The following PEAK1 variants were observed in gnomAD, a reference collection of about 807,000 sequenced individuals.
The protein encoded by PEAK1 is inactive tyrosine-protein kinase PEAK1.
A neutral mutation model predicts 124.7 loss-of-function variants in PEAK1; 54 were observed. The observed-to-expected ratio is 0.43, with a 90% CI of 0.35 to 0.54. The LOEUF is 0.54. Ranked by LOEUF, PEAK1 falls within the 20% of genes least tolerant of loss-of-function variation. The pLI is 0.01. For missense variants in PEAK1, 2,046 were observed against 2,134.5 expected (o/e 0.96, Z 0.82); for synonymous variants, 719 against 760.0 (o/e 0.95, Z 0.89).
At chr15:77,335,138 G>A (rs762106553) in intron 2 of PEAK1, 143 of 985,270 alleles carry the variant, frequency 1.5e-4, no homozygotes, top group South Asian at 3.3e-4. Flanking sequence ...GCCAAGAGAG[G>A]GATTTAAACA....
At chr15:77,153,328 T>C (rs894869388) in intron 8 of PEAK1, among the ~76,000 whole-genome samples, 3 of 152,210 alleles carry the variant, frequency 2.0e-5, no homozygotes, top group Admixed American at 6.5e-5. Flanking sequence ...GTGGGATCGG[T>C]GGTGATATCC....
intron 9 of PEAK1, among the ~76,000 whole-genome samples, chr15:77,119,319 A>G (rs2051698055): frequency 6.6e-6 from 1 of 152,242 alleles, no homozygotes; most frequent in South Asian, 2.1e-4. Context: ...ACCAACATGA[A>G]TAACCTACAG....
At chr15:77,334,466 G>A (rs1294401679) in intron 2 of PEAK1, 1 of 985,242 alleles carries the variant, frequency 1.0e-6, no homozygotes. Context: ...GAGAAGTAGA[G>A]GAGATTTAGT....
chr15:77,166,778 T>A (rs2056132430), intron 7 of PEAK1, among the ~76,000 whole-genome samples: 1 of 152,160 alleles, frequency 6.6e-6, no homozygotes, highest in Non-Finnish European at 1.5e-5. Context: ...TCTCAGTTTC[T>A]AGATGAGAAA....
chr15:77,104,431 G>A (rs2050726301), downstream of PEAK1: 1 of 152,522 alleles, frequency 6.6e-6, no homozygotes, highest in African/African-American at 2.4e-5. Flanking sequence ...TGAAGCTGGG[G>A]AGTGAGTTGG....
chr15:77,142,669 A>G (rs943210345), intron 8 of PEAK1, among the ~76,000 whole-genome samples: 27 of 152,224 alleles, frequency 1.8e-4, no homozygotes, highest in African/African-American at 6.5e-4. Flanking sequence ...TAAAACATGG[A>G]AAAACCTTGA....
intron 5 of PEAK1, among the ~76,000 whole-genome samples, chr15:77,256,547 T>C (rs1302088810): frequency 6.6e-6 from 1 of 152,092 alleles, no homozygotes; most frequent in Non-Finnish European, 1.5e-5. Flanking sequence ...CACCTGCTTA[T>C]ATATGGTTTG....
intron 5 of PEAK1, among the ~76,000 whole-genome samples, chr15:77,262,554 G>A (rs967383117): frequency 1.5e-3 from 234 of 151,708 alleles, no homozygotes; most frequent in African/African-American, 5.5e-3. Flanking sequence ...AACAAGAAGA[G>A]CTAACTATCC....
chr15:77,158,247 C>G, intron 8 of PEAK1: 2 of 416,826 alleles, frequency 4.8e-6, no homozygotes, highest in Non-Finnish European at 8.7e-6. Context: ...AAGTTCACCT[C>G]TTTCCCCCCA....
At chr15:77,297,190 A>G (rs931454785) in intron 2 of PEAK1, among the ~76,000 whole-genome samples, 1 of 151,882 alleles carries the variant, frequency 6.6e-6, no homozygotes, top group Non-Finnish European at 1.5e-5. Context: ...AGCTGACTTG[A>G]TATATGCTCT....
At chr15:77,263,358 C>A (rs1490929425) in intron 5 of PEAK1, among the ~76,000 whole-genome samples, 5 of 151,880 alleles carry the variant, frequency 3.3e-5, no homozygotes, top group African/African-American at 4.8e-5. Flanking sequence ...AGACCGCTAG[C>A]TAGACTAATA....
At chr15:77,262,676 C>A (rs1424380081) in intron 5 of PEAK1, among the ~76,000 whole-genome samples, 1 of 151,672 alleles carries the variant, frequency 6.6e-6, no homozygotes, top group Non-Finnish European at 1.5e-5. Flanking sequence ...ACCCCACAGA[C>A]AACATTAGAC....
Position 77,180,403 on chromosome 15 carries a change from T to C in PEAK1, c.1524A>G (p.Pro508=). The C allele has an allele frequency of 6.2e-7, 1 of 1,614,156 alleles. No individual in the cohort carries two copies. Among genetic ancestry groups the C allele is most frequent in the Non-Finnish European group, 8.5e-7 (1 of 1,180,008 alleles). Residue 508 remains proline (P), a synonymous_variant, in exon 7 of 10, where the codon CCA becomes CCG. Coordinates refer to ENST00000682557, the MANE Select transcript of PEAK1 (RefSeq NM_001385026.1). The part of the protein sequence containing the change: ...TKSSSSTPNS[P]VTSSSLTPGQ... ...CTGGTGTCAATGAAGATGATGTAAC[T>C]GGAGAGTTTGGAGTAGAGGATGAGC...
rs2057121521 is a variant in PEAK1, at chr15:77,179,686, G to A, written c.2241C>T (p.Gly747=). 1 of 1,614,048 alleles carries A rather than the reference G, an allele frequency of 6.2e-7. No individual in the cohort carries two copies. Among genetic ancestry groups the A allele is most frequent in the South Asian group, 1.1e-5 (1 of 91,076 alleles). The change falls in exon 7 of 10, where the codon GGC becomes GGT. Residue 747 remains glycine, a synonymous_variant. Coordinates refer to ENST00000682557, the MANE Select transcript of PEAK1 (RefSeq NM_001385026.1). ...TGCCCACCATCTGAGACTCCTGAGT[G>A]CCTTCTATTTTGGCCACAGGCTCTT... The part of the protein sequence containing the change: ...ATQEPVAKIE[G]TQESQMVGSS...
chr15:77,355,950 G>A, intron 2 of PEAK1: 3 of 984,314 alleles, frequency 3.0e-6, no homozygotes, highest in Non-Finnish European at 3.6e-6. Context: ...TTAGGCCTGA[G>A]ACAAGAGGCA....
intron 5 of PEAK1, chr15:77,278,637 GA>G: frequency 3.8e-6 from 2 of 520,134 alleles, no homozygotes; most frequent in East Asian, 5.3e-5. Flanking sequence ...GGAGAAATGG[GA>G]AAAGCTGACA....
chr15:77,249,234 C>G (rs1345633338), intron 6 of PEAK1, among the ~76,000 whole-genome samples: 13 of 151,810 alleles, frequency 8.6e-5, no homozygotes, highest in Non-Finnish European at 2.9e-5. Context: ...AAAGACCTAT[C>G]AAGTGTTATG....
At chr15:77,349,552 T>C in intron 2 of PEAK1, 2 of 984,462 alleles carry the variant, frequency 2.0e-6, no homozygotes, top group African/African-American at 3.5e-5. Flanking sequence ...GTTCATAGAT[T>C]ATTTAAACCA....
At chr15:77,419,727 G>A in intron 1 of PEAK1, 1 of 938,500 alleles carries the variant, frequency 1.1e-6, no homozygotes, top group South Asian at 4.9e-5. Flanking sequence ...CGCGCTCCCG[G>A]GGCCGCCGCC....
Sources: allele counts gnomAD v4.1 joint callset (sites outside exome capture counted in the v4.1 genomes callset), GRCh38; gene constraint gnomAD v4.1.1; transcripts MANE v1.5; gene names NCBI Gene and HGNC (gene_info 2026-07-23, HGNC 2026-07-21).